Variants in ZNF674 observed in about 807,000 individuals in gnomAD.
ZNF674 encodes the protein zinc finger family member 674.
ZNF674 carries 2 observed loss-of-function variants against 7.0 expected under a neutral mutation model. The observed-to-expected ratio is 0.29, with a 90% confidence interval of 0.12 to 0.90. ZNF674 has a LOEUF of 0.90. Among genes scored for constraint, ZNF674 ranks in the 40% least tolerant of loss-of-function variants. The pLI, the probability that ZNF674 is intolerant of heterozygous loss-of-function variation, is 0.57. For synonymous variants in ZNF674, 103 were observed against 145.2 expected (o/e 0.71, Z 2.09); for missense variants, 297 against 415.5 (o/e 0.71, Z 2.48).
intron 3 of ZNF674, among the ~76,000 whole-genome samples, chrX:46,533,826 A>AAT (rs1569482298): frequency 2.6e-5 from 2 of 75,684 alleles, no homozygotes; most frequent in African/African-American, 1.2e-4. Flanking sequence ...AAAAAAAAAA[A>AAT]AAAATATATA....
chrX:46,511,918 G>A (rs985074449), intron 5 of ZNF674, among the ~76,000 whole-genome samples: 21 of 110,854 alleles, frequency 1.9e-4, no homozygotes, highest in African/African-American at 6.6e-4. Flanking sequence ...AGCTACTCAG[G>A]AGGCTGAGAC....
intron 5 of ZNF674, among the ~76,000 whole-genome samples, chrX:46,520,074 G>A (rs1022279715): frequency 8.9e-6 from 1 of 112,096 alleles, no homozygotes; most frequent in African/African-American, 3.2e-5. Flanking sequence ...CAGGCTATAA[G>A]AGGAGATGGG....
chrX:46,531,500 G>A lies in ZNF674; in HGVS notation c.16-2591C>T, dbSNP rs185531534. Among the ~76,000 whole-genome samples, 331 of 111,769 alleles carry A rather than the reference G, an allele frequency of 3.0e-3. 3 individuals are homozygous for A. Among genetic ancestry groups the A allele is most frequent in the African/African-American group, 0.01 (316 of 30,766 alleles). ...AACTCCAGGTAGATGGTGTCAGAATGGAATTGACTTAGAGGAGACCCAGCT... is the reference window on the plus strand; with the variant it reads ...AACTCCAGGTAGATGGTGTCAGAATAGAATTGACTTAGAGGAGACCCAGCT... On this transcript the variant is annotated intron_variant, in intron 3 of 5. Coordinates refer to ENST00000683375, the MANE Select transcript of ZNF674 (RefSeq NM_001190417.2).
At chrX:46,530,001 C>G (rs1171204821) in intron 3 of ZNF674, among the ~76,000 whole-genome samples, 2 of 112,198 alleles carry the variant, frequency 1.8e-5, no homozygotes, top group African/African-American at 6.5e-5. Context: ...GGGCAGCTGA[C>G]TGAAGCAAAA....
chrX:46,545,121 G>A, intron 1 of ZNF674, among the ~76,000 whole-genome samples: 1 of 111,493 alleles, frequency 9.0e-6, no homozygotes, highest in Non-Finnish European at 1.9e-5. Context: ...TCCTGCTAAT[G>A]TGAAACATTT....
chrX:46,526,076 C>T (rs147509744), intron 5 of ZNF674, among the ~76,000 whole-genome samples: 135 of 111,946 alleles, frequency 1.2e-3, no homozygotes, highest in African/African-American at 4.1e-3. Flanking sequence ...TAATCCCATA[C>T]AAAAATCCCT....
chrX:46,509,437 T>A (rs1176113688), intron 5 of ZNF674, among the ~76,000 whole-genome samples: 2 of 107,617 alleles, frequency 1.9e-5, no homozygotes, highest in Admixed American at 2.0e-4. Flanking sequence ...CAAACAAATT[T>A]ACAAGAAAAA....
In ZNF674 at chrX:46,500,354, G is replaced by A. The variant is rs1422964788; in HGVS notation, c.1220C>T (p.Pro407Leu). The A allele has an allele frequency of 8.3e-7, 1 of 1,210,852 alleles. No individual in the cohort carries two copies. Among genetic ancestry groups the A allele is most frequent in the East Asian group, 3.0e-5 (1 of 33,826 alleles). ...CTTCCCACATATACTACATTCATAG[G>A]GTTTCTCTCCTGTATGAATTCTCTG... is the stretch of plus-strand genomic sequence containing the variant. ...VHQRIHTGEK[P>L]YECSICGKTF... Residue 407 changes from proline (P) to leucine (L), a missense_variant, in exon 6 of 6, where the codon CCC (proline) becomes CTC (leucine). Transcript: ENST00000683375.
intron 3 of ZNF674, among the ~76,000 whole-genome samples, chrX:46,539,544 G>T (rs1942255041): frequency 8.9e-6 from 1 of 112,845 alleles, no homozygotes; most frequent in Non-Finnish European, 1.9e-5. Flanking sequence ...AAAGGTAAAT[G>T]AATATTGGTG....
intron 5 of ZNF674, among the ~76,000 whole-genome samples, chrX:46,526,790 G>A (rs1383683052): frequency 2.7e-5 from 3 of 111,459 alleles, no homozygotes; most frequent in Non-Finnish European, 5.6e-5. Flanking sequence ...GAAGGCATAG[G>A]AGAAAAATCT....
At chrX:46,504,436 G>C (rs112585579) in intron 5 of ZNF674, among the ~76,000 whole-genome samples, 2 of 109,076 alleles carry the variant, frequency 1.8e-5, no homozygotes, top group South Asian at 7.9e-4. Flanking sequence ...TCTGCCTCCT[G>C]GGTTCAAGCA....
intron 5 of ZNF674, among the ~76,000 whole-genome samples, chrX:46,505,589 G>A (rs1196676730): frequency 1.4e-4 from 16 of 111,334 alleles, no homozygotes; most frequent in Non-Finnish European, 7.5e-5. Flanking sequence ...TGGCCAACAT[G>A]GTGAAACCCT....
At position 46,499,145 on chromosome X, in the gene ZNF674, C is replaced by T. The variant is rs1232647595; in HGVS notation, c.*698G>A. On this transcript the variant is annotated 3_prime_UTR_variant, in exon 6 of 6. Coordinates refer to ENST00000683375, the MANE Select transcript of ZNF674 (RefSeq NM_001190417.2). ...AATAAAAGAATATAGAGCATGATTC[C>T]TCTCATTTATACCATGGGTTTGTTT... 1.8e-5 allele frequency: 2 copies of T among 109,719 alleles called. No homozygotes were observed. Among genetic ancestry groups the T allele is most frequent in the African/African-American group, 6.6e-5 (2 of 30,181 alleles). The allele number at this position is 109,719 out of a possible 1,213,427, so 9.0% of individuals were successfully genotyped here.
At chrX:46,507,096 C>T (rs1399380624) in intron 5 of ZNF674, among the ~76,000 whole-genome samples, 2 of 111,798 alleles carry the variant, frequency 1.8e-5, no homozygotes, top group Admixed American at 9.6e-5. Context: ...CCTGTAATCC[C>T]AGCACTTTGG....
chrX:46,535,207 C>T (rs992058516), intron 3 of ZNF674, among the ~76,000 whole-genome samples: 1 of 111,038 alleles, frequency 9.0e-6, no homozygotes, highest in Non-Finnish European at 1.9e-5. Context: ...AATGCAGTGG[C>T]ATGCTCACAG....
intron 3 of ZNF674, among the ~76,000 whole-genome samples, chrX:46,535,423 G>C (rs887464695): frequency 2.7e-5 from 3 of 111,657 alleles, no homozygotes; most frequent in Non-Finnish European, 5.6e-5. Context: ...TGGGGTTACA[G>C]GCATGAGCCA....
chrX:46,515,094 C>T (rs894382956), intron 5 of ZNF674, among the ~76,000 whole-genome samples: 1 of 111,223 alleles, frequency 9.0e-6, no homozygotes, highest in African/African-American at 3.3e-5. Context: ...ATTGGCTAGG[C>T]GTGATGGTGC....
chrX:46,522,467 C>T (rs1941931771), intron 5 of ZNF674, among the ~76,000 whole-genome samples: 1 of 111,148 alleles, frequency 9.0e-6, no homozygotes, highest in Non-Finnish European at 1.9e-5. Context: ...GAGTTCAAAA[C>T]CAGCCTAGGT....
intron 2 of ZNF674, among the ~76,000 whole-genome samples, chrX:46,543,969 T>C (rs763082991): frequency 1.3e-4 from 15 of 112,382 alleles, no homozygotes; most frequent in Non-Finnish European, 2.4e-4. Context: ...GCCTGGTTGA[T>C]GGTGTGGGGC....
Sources: gnomAD v4.1 joint callset for allele counts (sites outside exome capture counted in the v4.1 genomes callset) on GRCh38, gnomAD v4.1.1 for gene constraint, MANE v1.5 for transcripts, NCBI Gene and HGNC (gene_info 2026-07-23, HGNC 2026-07-21) for gene names.